Variants in ZNF143 observed in about 807,000 individuals in gnomAD.
The protein encoded by ZNF143 is zinc finger protein 143.
In ZNF143, 49 loss-of-function variants were observed where a neutral mutation model predicts 74.1. The observed-to-expected ratio is 0.66, with a 90% CI of 0.53 to 0.84. ZNF143 has a LOEUF of 0.84. ZNF143 is among the 40% of genes least tolerant of loss of function. ZNF143 has a pLI of 0.00. For synonymous variants in ZNF143, 304 were observed against 282.8 expected (o/e 1.07, Z -0.75); for missense variants, 637 against 793.4 (o/e 0.80, Z 2.37).
At chr11:9,491,203 A>G (rs1328301673) in intron 7 of ZNF143, among the ~76,000 whole-genome samples, 3 of 152,134 alleles carry the variant, frequency 2.0e-5, no homozygotes, top group Non-Finnish European at 4.4e-5. Context: ...TGGACAACAT[A>G]GCAAGACTCC....
intron 7 of ZNF143, among the ~76,000 whole-genome samples, chr11:9,492,171 C>T (rs544033199): frequency 9.4e-5 from 13 of 138,960 alleles, no homozygotes; most frequent in Admixed American, 3.2e-4. Flanking sequence ...AGTGCAGTGG[C>T]GTGATCTTGG....
At chr11:9,515,343 G>A (rs1465401338) in intron 13 of ZNF143, among the ~76,000 whole-genome samples, 1 of 151,278 alleles carries the variant, frequency 6.6e-6, no homozygotes, top group African/African-American at 2.4e-5. Context: ...TGGAGAGGAG[G>A]AAATGCAATT....
chr11:9,471,160 A>C lies in ZNF143; in HGVS notation c.-7-142A>C, dbSNP rs570385963. The C allele has an allele frequency of 1.6e-5, 10 of 635,346 alleles. No individual in the cohort carries two copies. In the South Asian group the frequency reaches 2.3e-4, roughly 15 times the overall value. 39.4% of individuals were successfully genotyped at this position (635,346 alleles called of 1,614,324 possible). On this transcript the variant is annotated intron_variant, in intron 1 of 15. Coordinates refer to ENST00000396602, the MANE Select transcript of ZNF143 (RefSeq NM_003442.6). ...CCTTGGACTTTGGGCTAATACTCTT[A>C]CCCTACATATTGAGTGAAATTTCAT... is the stretch of plus-strand genomic sequence containing the variant.
chr11:9,503,370 C>T (rs959218903), intron 11 of ZNF143, among the ~76,000 whole-genome samples: 5 of 152,102 alleles, frequency 3.3e-5, no homozygotes, highest in African/African-American at 1.2e-4. Flanking sequence ...TGGATGTGTA[C>T]TTAGGAGTGG....
At chr11:9,510,194 G>A (rs988499181) in intron 12 of ZNF143, among the ~76,000 whole-genome samples, 3 of 150,516 alleles carry the variant, frequency 2.0e-5, no homozygotes, top group East Asian at 1.9e-4. Context: ...GTGCGATCTC[G>A]GCTCACTGCA....
intron 1 of ZNF143, chr11:9,463,658 A>G (rs1177989713): frequency 1.3e-5 from 2 of 152,212 alleles, no homozygotes; most frequent in Non-Finnish European, 2.9e-5. Context: ...AGAGTACTTT[A>G]TATGTTCTAG....
Position 9,497,721 on chromosome 11 carries a change from A to G in ZNF143, c.888A>G (p.Pro296=), listed in dbSNP as rs751722157. The part of the protein sequence containing the change: ...SHVRTHTGEK[P]YRCSEDNCTK... The stretch of plus-strand genomic sequence containing the variant: ...TCAGAACTCATACAGGAGAAAAGCC[A>G]TATCGGTGTTCGGAAGATAATTGTA... Residue 296 remains proline, a synonymous_variant, in exon 10 of 16, where the codon CCA becomes CCG. Coordinates refer to ENST00000396602, the MANE Select transcript of ZNF143 (RefSeq NM_003442.6). 22 of 1,610,116 alleles carry G rather than the reference A, an allele frequency of 1.4e-5. No individual in the cohort carries two copies. The highest frequency in any genetic ancestry group is 1.7e-5 in the Admixed American group (1 of 59,862).
At chr11:9,472,895 A>T in intron 3 of ZNF143, 126 bp downstream of exon 3, 1 of 513,262 alleles carries the variant, frequency 1.9e-6, no homozygotes, top group East Asian at 3.5e-5. Flanking sequence ...TGATGATTTT[A>T]AGTCATTTCA....
intron 13 of ZNF143, 78 bp from the exon 14 acceptor site, chr11:9,516,123 A>G: frequency 2.1e-6 from 3 of 1,432,916 alleles, no homozygotes; most frequent in Non-Finnish European, 2.9e-6. Context: ...TTATACAAGG[A>G]TTAGTCCTGG....
intron 3 of ZNF143, chr11:9,473,642 A>G (rs1856715282): frequency 1.8e-6 from 1 of 564,486 alleles, no homozygotes; most frequent in South Asian, 1.8e-5. Context: ...CACTGATTCT[A>G]AGTGACTCTG....
Position 9,462,174 on chromosome 11 carries a change from T to C in ZNF143, c.-8+1098T>C, listed in dbSNP as rs1855901003. The stretch of plus-strand genomic sequence containing the variant: ...TAATTTTGTCCTGGCGTATTTTGAC[T>C]GTTTGGAAATTTTTTTTTTTTAATT... On this transcript the variant is annotated intron_variant, in intron 1 of 15. Coordinates refer to ENST00000396602, the MANE Select transcript of ZNF143 (RefSeq NM_003442.6). The C allele has an allele frequency of 2.6e-5, 4 of 152,178 alleles. No individual in the cohort carries two copies. In the South Asian group the frequency reaches 8.3e-4, roughly 32 times the overall value. 9.4% of individuals were successfully genotyped at this position (152,178 alleles called of 1,614,324 possible). A position where few individuals can be genotyped will look rare whatever the true frequency, so the allele number is the denominator to read the frequency against.
intron 1 of ZNF143, among the ~76,000 whole-genome samples, chr11:9,466,181 C>G (rs181339691): frequency 4.7e-4 from 71 of 152,162 alleles, no homozygotes; most frequent in African/African-American, 1.5e-3. Context: ...CAGGGTTTCA[C>G]CATGTTGGCC....
At chr11:9,481,499 A>G (rs1847237562) in intron 7 of ZNF143, among the ~76,000 whole-genome samples, 1 of 152,164 alleles carries the variant, frequency 6.6e-6, no homozygotes, top group African/African-American at 2.4e-5. Context: ...CGGGAGTTAT[A>G]GGTCAGTGGC....
At chr11:9,468,570 C>T (rs1045189421) in intron 1 of ZNF143, among the ~76,000 whole-genome samples, 4 of 152,234 alleles carry the variant, frequency 2.6e-5, no homozygotes, top group Non-Finnish European at 5.9e-5. Context: ...TACTTTAACC[C>T]TTAGCATCAT....
In ZNF143 at chr11:9,527,415, C is replaced by G. The variant is rs532780758; in HGVS notation, c.1834-115C>G. The G allele has an allele frequency of 5.5e-6, 5 of 907,682 alleles. No individual in the cohort carries two copies. The Admixed American group carries it at 8.6e-5, about 16-fold the overall frequency. The allele number at this position is 907,682 out of a possible 1,614,324, so 56.2% of individuals were successfully genotyped here. ...AGTTAGCAGTAGTATTTTAACAATC[C>G]CAAGTGTCAGAATTACAGAGAGAAG... On this transcript the variant is annotated intron_variant, in intron 15 of 15. Transcript: ENST00000396602.
intron 11 of ZNF143, 89 bp downstream of exon 11, chr11:9,501,359 C>G: frequency 7.0e-7 from 1 of 1,435,832 alleles, no homozygotes; most frequent in East Asian, 2.3e-5. Context: ...CTAATCTCTT[C>G]CCTCCTTTCT....
At chr11:9,481,946 C>G (rs2133939167) in intron 7 of ZNF143, among the ~76,000 whole-genome samples, 1 of 144,238 alleles carries the variant, frequency 6.9e-6, no homozygotes, top group African/African-American at 2.5e-5. Context: ...ACTGCTGAGG[C>G]AAAATGTCAT....
intron 3 of ZNF143, among the ~76,000 whole-genome samples, chr11:9,473,128 C>T (rs531082397): frequency 6.6e-5 from 10 of 152,084 alleles, no homozygotes; most frequent in Admixed American, 3.3e-4. Flanking sequence ...TGGTGGTTCA[C>T]GCCTGTAATC....
intron 7 of ZNF143, among the ~76,000 whole-genome samples, chr11:9,493,718 T>C (rs993203259): frequency 6.6e-6 from 1 of 152,192 alleles, no homozygotes; most frequent in Non-Finnish European, 1.5e-5. Context: ...TCTGCAGAGA[T>C]AGGATGTTGC....
Sources: allele counts gnomAD v4.1 joint callset (sites outside exome capture counted in the v4.1 genomes callset), GRCh38; gene constraint gnomAD v4.1.1; transcripts MANE v1.5; gene names NCBI Gene and HGNC (gene_info 2026-07-23, HGNC 2026-07-21).